Variants in GSK3B observed in about 807,000 individuals in gnomAD.
GSK3B encodes the protein glycogen synthase kinase-3 beta.
Under a neutral mutation model 56.4 loss-of-function variants are expected in GSK3B, and 15 were observed. The observed-to-expected ratio is 0.27, with a 90% CI of 0.18 to 0.41. The LOEUF is 0.41. Ranked by LOEUF, GSK3B falls within the 10% of genes least tolerant of loss-of-function variation. The pLI is 1.00. For synonymous variants in GSK3B, 181 were observed against 188.9 expected, an observed-to-expected ratio of 0.96 and a Z score of 0.34; for missense variants, 300 against 513.4, an observed-to-expected ratio of 0.58 and a Z score of 4.02.
At chr3:119,830,850 T>A (rs1195305279) in intron 10 of GSK3B, among the ~76,000 whole-genome samples, 5 of 152,196 alleles carry the variant, frequency 3.3e-5, no homozygotes, top group African/African-American at 9.6e-5. Context: ...CACCCACCTA[T>A]GAAATGAGGC....
chr3:119,914,777 A>T (rs1253584474), intron 5 of GSK3B, among the ~76,000 whole-genome samples: 2 of 152,112 alleles, frequency 1.3e-5, no homozygotes, highest in African/African-American at 4.8e-5. Context: ...TTTTTAAAGG[A>T]TCTGTCTCAA....
At chr3:119,873,695 A>C (rs1253522421) in intron 8 of GSK3B, among the ~76,000 whole-genome samples, 1 of 152,192 alleles carries the variant, frequency 6.6e-6, no homozygotes, top group Admixed American at 6.5e-5. Context: ...AAAAACCAAC[A>C]CAAGCATATT....
chr3:120,002,213 T>C lies in GSK3B; in HGVS notation c.115A>G (p.Thr39Ala), dbSNP rs776666984. ...SRDKDGSKVT[T>A]VVATPGQGPD... ...CCCTGCCCAGGAGTTGCCACCACTGTTGTCACCTTGCTGCCGTCCTTGTCT... is the reference window on the plus strand; with the variant it reads ...CCCTGCCCAGGAGTTGCCACCACTGCTGTCACCTTGCTGCCGTCCTTGTCT... The change falls in exon 2 of 11, where the codon ACA becomes GCA. Residue 39 changes from threonine (T) to alanine (A), a missense_variant. This residue lies in a region of GSK3B where 53 missense variants were observed against 64.6 expected (regional missense o/e 0.82). Transcript: ENST00000264235. The C allele has an allele frequency of 6.4e-7, 1 of 1,573,940 alleles. No individual in the cohort carries two copies. The highest frequency in any genetic ancestry group is 2.3e-5 in the East Asian group (1 of 42,732).
At chr3:120,064,639 T>G (rs1466218403) in intron 1 of GSK3B, among the ~76,000 whole-genome samples, 1 of 152,088 alleles carries the variant, frequency 6.6e-6, no homozygotes, top group Non-Finnish European at 1.5e-5. Context: ...AGGCCTTTTC[T>G]GCAGAAATGA....
chr3:120,083,501 A>G (rs2058439192), intron 1 of GSK3B, among the ~76,000 whole-genome samples: 1 of 152,226 alleles, frequency 6.6e-6, no homozygotes, highest in East Asian at 1.9e-4. Flanking sequence ...TATTACAAAC[A>G]GTATTTAAAA....
At chr3:120,068,291 TG>T (rs1168515258) in intron 1 of GSK3B, among the ~76,000 whole-genome samples, 2 of 150,652 alleles carry the variant, frequency 1.3e-5, no homozygotes, top group Non-Finnish European at 2.9e-5. Flanking sequence ...CTCAGGAGGC[TG>T]AGGCAGGAGA....
intron 7 of GSK3B, among the ~76,000 whole-genome samples, chr3:119,882,463 C>T (rs146461291): frequency 1.5e-3 from 235 of 152,226 alleles, no homozygotes; most frequent in Middle Eastern, 3.4e-3. Flanking sequence ...CCATATTCTC[C>T]AACTAACATT....
intron 3 of GSK3B, among the ~76,000 whole-genome samples, chr3:119,939,886 G>C (rs2057030794): frequency 1.3e-5 from 2 of 152,060 alleles, no homozygotes; most frequent in African/African-American, 2.4e-5. Flanking sequence ...GAGTTCATCA[G>C]GGAGACCTCA....
chr3:119,996,542 G>A (rs2057619495), intron 2 of GSK3B, among the ~76,000 whole-genome samples: 1 of 151,332 alleles, frequency 6.6e-6, no homozygotes, highest in African/African-American at 2.4e-5. Context: ...AGGACAATCA[G>A]AAGTATTACT....
chr3:119,886,117 G>A (rs2056433505), intron 7 of GSK3B, among the ~76,000 whole-genome samples: 1 of 152,082 alleles, frequency 6.6e-6, no homozygotes, highest in African/African-American at 2.4e-5. Flanking sequence ...TACAGAATTG[G>A]AGAAAACAGA....
Position 119,821,342 on chromosome 3 carries a change from T to C in GSK3B, c.*5446A>G, listed in dbSNP as rs1429918210. 1 of 152,232 alleles carries C rather than the reference T, an allele frequency of 6.6e-6. No homozygotes were observed. Among genetic ancestry groups the C allele is most frequent in the African/African-American group, 2.4e-5 (1 of 41,458 alleles). The allele number at this position is 152,232 out of a possible 1,614,324, so 9.4% of individuals were successfully genotyped here. A position where few individuals can be genotyped will look rare whatever the true frequency, so the allele number is the denominator to read the frequency against. ...TTTATCGAATATAAATTTGTTTTTATTGAAGCAGCAGTCACATGACCTTAT... is the reference window on the plus strand; with the variant it reads ...TTTATCGAATATAAATTTGTTTTTACTGAAGCAGCAGTCACATGACCTTAT... On this transcript the variant is annotated 3_prime_UTR_variant, in exon 11 of 11. Transcript: ENST00000264235.
intron 10 of GSK3B, among the ~76,000 whole-genome samples, chr3:119,835,664 CT>C (rs1344600556): frequency 6.6e-6 from 1 of 151,922 alleles, no homozygotes; most frequent in Admixed American, 6.6e-5. Flanking sequence ...ACAAAAATGC[CT>C]GCTTTTTTGT....
intron 2 of GSK3B, among the ~76,000 whole-genome samples, chr3:119,981,180 C>T (rs557088956): frequency 3.4e-4 from 51 of 152,234 alleles, no homozygotes; most frequent in Non-Finnish European, 6.0e-4. Context: ...AAATCCCAAA[C>T]TTACAAGGTT....
At chr3:119,919,238 C>A (rs944394234) in intron 4 of GSK3B, among the ~76,000 whole-genome samples, 1 of 152,152 alleles carries the variant, frequency 6.6e-6, no homozygotes, top group African/African-American at 2.4e-5. Context: ...AGTTGCCATT[C>A]TGGTAACATG....
chr3:120,072,407 G>A (rs573002324), intron 1 of GSK3B, among the ~76,000 whole-genome samples: 18 of 152,050 alleles, frequency 1.2e-4, no homozygotes, highest in South Asian at 4.2e-4. Flanking sequence ...CCATGGTAGA[G>A]AACAACCAGT....
chr3:119,893,326 T>C (rs182937205), intron 7 of GSK3B, among the ~76,000 whole-genome samples: 2 of 152,242 alleles, frequency 1.3e-5, no homozygotes, highest in Admixed American at 6.5e-5. Flanking sequence ...CTACTAGTTG[T>C]AGGTAGCTAA....
At chr3:120,040,302 C>T (rs6809657) in intron 1 of GSK3B, among the ~76,000 whole-genome samples, 101 of 152,228 alleles carry the variant, frequency 6.6e-4, no homozygotes, top group African/African-American at 2.2e-3. Context: ...CAGCTTAGGG[C>T]GGCCCTTTGG....
intron 9 of GSK3B, among the ~76,000 whole-genome samples, chr3:119,862,631 G>A (rs916065602): frequency 6.8e-6 from 1 of 146,978 alleles, no homozygotes; most frequent in Non-Finnish European, 1.5e-5. Flanking sequence ...TTTCTAGCCT[G>A]AGTATGCTTA....
In GSK3B at chr3:119,826,605, G is replaced by T. The variant is rs774629070; in HGVS notation, c.*183C>A. On this transcript the variant is annotated 3_prime_UTR_variant, in exon 11 of 11. Transcript: ENST00000264235. ...CTCAAAGTGAGAATACAATGAAATTGGTTTGTATTTATAGATATTTTACAA... is the reference window on the plus strand; with the variant it reads ...CTCAAAGTGAGAATACAATGAAATTTGTTTGTATTTATAGATATTTTACAA... The T allele has an allele frequency of 2.8e-5, 12 of 433,014 alleles. No individual in the cohort carries two copies. Among genetic ancestry groups the T allele is most frequent in the Admixed American group, 7.4e-5 (3 of 40,512 alleles). The allele number at this position is 433,014 out of a possible 1,614,324, so 26.8% of individuals were successfully genotyped here. A position where few individuals can be genotyped will look rare whatever the true frequency, so the allele number is the denominator to read the frequency against.
Sources: allele counts gnomAD v4.1 joint callset (sites outside exome capture counted in the v4.1 genomes callset), GRCh38; gene constraint gnomAD v4.1.1; regional missense constraint gnomAD v4.1.1; transcripts MANE v1.5; gene names NCBI Gene and HGNC (gene_info 2026-07-23, HGNC 2026-07-21).